CFAP69: variants seen among roughly 807,000 people sequenced by gnomAD.
CFAP69 encodes cilia and flagella associated protein 69.
In CFAP69, 92 loss-of-function variants were observed where a neutral mutation model predicts 123.0. That is an observed-to-expected ratio of 0.75 (90% CI 0.63 to 0.89). The LOEUF (loss-of-function observed/expected upper bound fraction) is 0.89, where lower values mean the gene tolerates loss of function less well. Among genes scored for constraint, CFAP69 ranks in the 40% least tolerant of loss-of-function variants. CFAP69 has a pLI of 0.00. For missense variants in CFAP69, 1,067 were observed against 1,096.9 expected, an observed-to-expected ratio of 0.97 and a Z score of 0.39; for synonymous variants, 380 against 364.3, an observed-to-expected ratio of 1.04 and a Z score of -0.49.
intron 13 of CFAP69, among the ~76,000 whole-genome samples, chr7:90,283,654 A>G (rs1035840384): frequency 2.0e-5 from 3 of 152,194 alleles, no homozygotes; most frequent in African/African-American, 7.2e-5. Flanking sequence ...TAAAATTCAG[A>G]ACCCCTAAAC....
chr7:90,288,375 T>C, intron 15 of CFAP69, 23 bp downstream of exon 15: 1 of 1,600,726 alleles, frequency 6.2e-7, no homozygotes, highest in South Asian at 1.1e-5. Context: ...ATAATCAAAT[T>C]AGGTAGACTC....
intron 1 of CFAP69, among the ~76,000 whole-genome samples, chr7:90,248,940 C>T (rs1796639064): frequency 6.6e-6 from 1 of 152,178 alleles, no homozygotes; most frequent in South Asian, 2.1e-4. Context: ...ATTTGTAAGG[C>T]ATTTAGCACA....
intron 15 of CFAP69, among the ~76,000 whole-genome samples, chr7:90,290,049 C>T (rs1466356815): frequency 6.6e-6 from 1 of 152,166 alleles, no homozygotes; most frequent in Admixed American, 6.5e-5. Context: ...AGTCTTTCTA[C>T]GTTTTCCTTC....
rs1796202505 is a variant in CFAP69 at position 90,245,409 on chromosome 7, C to A, written c.-16C>A. The A allele has an allele frequency of 2.6e-6, 4 of 1,537,216 alleles. No individual in the cohort carries two copies. The highest frequency in any genetic ancestry group is 2.6e-5 in the East Asian group (1 of 37,786). Reference sequence around the variant, plus strand: ...ACAGGAAGATCCCCCCACTCTCCACCCCGCCGCCACCGGCCATGTGGACAG... The same window carrying A: ...ACAGGAAGATCCCCCCACTCTCCACACCGCCGCCACCGGCCATGTGGACAG... On this transcript the variant is annotated 5_prime_UTR_variant, in exon 1 of 23. Transcript: ENST00000389297.
chr7:90,277,008 G>A, intron 9 of CFAP69, 65 bp from the exon 10 acceptor site: 1 of 1,110,066 alleles, frequency 9.0e-7, no homozygotes, highest in Non-Finnish European at 1.3e-6. Context: ...GTAAATATGA[G>A]CATCTGCATC....
At position 90,307,022 on chromosome 7, in the gene CFAP69, T is replaced by C. The variant is rs372444754; in HGVS notation, c.2387T>C (p.Val796Ala). The C allele has an allele frequency of 4.3e-6, 7 of 1,613,556 alleles. No individual in the cohort carries two copies. The highest frequency in any genetic ancestry group is 5.9e-6 in the Non-Finnish European group (7 of 1,179,812). ...GCATCAGAAAATATTGGAAAGATGG[T>C]TGCTTCTCTGCAAAGTGATATAATT... Reference protein sequence around the residue: ...TTASENIGKMVASLQSDIIES... With the variant: ...TTASENIGKMAASLQSDIIES... Residue 796 changes from valine (V) to alanine (A), a missense_variant, in exon 20 of 23, where the codon GTT (valine) becomes GCT (alanine). By Grantham distance (64) the Val-to-Ala change is moderately conservative (BLOSUM62 0). Coordinates refer to ENST00000389297, the MANE Select transcript of CFAP69 (RefSeq NM_001039706.3).
chr7:90,307,386 T>G (rs1793761177), intron 20 of CFAP69, among the ~76,000 whole-genome samples: 1 of 152,124 alleles, frequency 6.6e-6, no homozygotes, highest in Non-Finnish European at 1.5e-5. Flanking sequence ...CTATTATATA[T>G]CAATAAGAAA....
chr7:90,320,180 C>G, the CFAP69 span, among the ~76,000 whole-genome samples: 1 of 152,180 alleles, frequency 6.6e-6, no homozygotes, highest in Non-Finnish European at 1.5e-5. Flanking sequence ...ACAGTCCTTT[C>G]TACATGTAAC....
chr7:90,291,439 C>T lies in CFAP69; in HGVS notation c.1775+3087C>T, dbSNP rs17861291. On this transcript the variant is annotated intron_variant, in intron 15 of 22. Transcript: ENST00000389297. The stretch of plus-strand genomic sequence containing the variant: ...TTATTCACTGCAACCTGTTTTATCC[C>T]CAAGGTCTTCATGACCTGTATCTTT... Among the ~76,000 whole-genome samples the T allele has an allele frequency of 2.9e-4, 44 of 152,162 alleles. No individual in the cohort carries two copies. In the East Asian group the frequency reaches 6.8e-3, roughly 23 times the overall value.
chr7:90,318,996 T>A, the CFAP69 span: 1 of 167,510 alleles, frequency 6.0e-6, no homozygotes, highest in South Asian at 2.0e-4. Flanking sequence ...TTGAAAAAAT[T>A]AATTTCAAAA....
intron 8 of CFAP69, 61 bp from the exon 9 acceptor site, chr7:90,273,926 G>A: frequency 7.8e-7 from 1 of 1,282,078 alleles, no homozygotes; most frequent in Non-Finnish European, 1.1e-6. Flanking sequence ...ATGAATTTTG[G>A]AGGGACGCAA....
intron 12 of CFAP69, 147 bp downstream of exon 12, chr7:90,280,040 T>A (rs1273310879): frequency 1.8e-6 from 1 of 569,344 alleles, no homozygotes; most frequent in African/African-American, 1.9e-5. Flanking sequence ...TATTTATATG[T>A]TGTTTTAAGA....
intron 15 of CFAP69, among the ~76,000 whole-genome samples, chr7:90,296,594 C>G (rs1159283674): frequency 6.6e-6 from 1 of 151,786 alleles, no homozygotes; most frequent in African/African-American, 2.4e-5. Flanking sequence ...TCCCAAAGTG[C>G]TGGTATTACA....
intron 1 of CFAP69, among the ~76,000 whole-genome samples, chr7:90,245,778 G>A (rs960209589): frequency 3.9e-5 from 6 of 152,192 alleles, no homozygotes; most frequent in Non-Finnish European, 8.8e-5. Flanking sequence ...CCAGCGCTGT[G>A]TGGTCCTCCT....
intron 13 of CFAP69, among the ~76,000 whole-genome samples, chr7:90,283,835 T>A (rs775731023): frequency 6.6e-6 from 1 of 152,168 alleles, no homozygotes; most frequent in Non-Finnish European, 1.5e-5. Context: ...TTCTACTTGT[T>A]AAATTAAGGT....
At chr7:90,261,239 C>T (rs567155143) in intron 3 of CFAP69, among the ~76,000 whole-genome samples, 8 of 152,200 alleles carry the variant, frequency 5.3e-5, no homozygotes, top group African/African-American at 1.4e-4. Flanking sequence ...CCACGCCCAG[C>T]GAATTTTGTA....
At chr7:90,252,016 C>T (rs1488789971) in intron 1 of CFAP69, 1 of 141,766 alleles carries the variant, frequency 7.1e-6, no homozygotes, top group Admixed American at 7.3e-5. Flanking sequence ...CTTGATTAGC[C>T]TTAAAAAAAA....
At chr7:90,251,118 G>T (rs1314312429) in intron 1 of CFAP69, among the ~76,000 whole-genome samples, 1 of 151,866 alleles carries the variant, frequency 6.6e-6, no homozygotes, top group Non-Finnish European at 1.5e-5. Context: ...AATTCTTCTG[G>T]TTAAATCTTG....
chr7:90,292,919 A>G (rs752932365), intron 15 of CFAP69, among the ~76,000 whole-genome samples: 22 of 152,228 alleles, frequency 1.4e-4, no homozygotes, highest in Non-Finnish European at 2.5e-4. Context: ...TTAGAGTTCT[A>G]TAGCTGACTA....
Sources: allele counts gnomAD v4.1 joint callset (sites outside exome capture counted in the v4.1 genomes callset), GRCh38; gene constraint gnomAD v4.1.1; transcripts MANE v1.5; gene names NCBI Gene and HGNC (gene_info 2026-07-23, HGNC 2026-07-21).